PCDHA6: variants seen among roughly 807,000 people sequenced by gnomAD.
PCDHA6 encodes the protein protocadherin alpha-6.
PCDHA6 carries 55 observed loss-of-function variants against 60.3 expected under a neutral mutation model. The ratio of observed to expected loss-of-function variants is 0.91; its 90% CI spans 0.73 to 1.14. The LOEUF (loss-of-function observed/expected upper bound fraction) is 1.14. Among genes scored for constraint, PCDHA6 ranks in the 50% most tolerant of loss-of-function variants. The pLI is 0.00. For synonymous variants in PCDHA6, 652 were observed against 557.9 expected, an observed-to-expected ratio of 1.17 and a Z score of -2.38; for missense variants, 1,327 against 1,256.5, an observed-to-expected ratio of 1.06 and a Z score of -0.85.
At chr5:140,984,693 A>G (rs1587034361) in intron 3 of PCDHA6, among the ~76,000 whole-genome samples, 1 of 152,264 alleles carries the variant, frequency 6.6e-6, no homozygotes, top group East Asian at 1.9e-4. Flanking sequence ...TATGTTCTGC[A>G]CTGCTTGGAG....
chr5:140,909,585 T>C (rs1554193854), intron 1 of PCDHA6, among the ~76,000 whole-genome samples: 1 of 152,180 alleles, frequency 6.6e-6, no homozygotes, highest in Non-Finnish European at 1.5e-5. Context: ...GATATGTTTT[T>C]TGATTTACTA....
chr5:140,926,141 A>T (rs2082938262), intron 1 of PCDHA6, among the ~76,000 whole-genome samples: 1 of 152,038 alleles, frequency 6.6e-6, no homozygotes, highest in Non-Finnish European at 1.5e-5. Context: ...AGCAGGATCC[A>T]GCGCGGAAAG....
rs201706795 is a variant in PCDHA6 at position 140,829,963 on chromosome 5, G to A, written c.1872G>A (p.Val624=). ...GCAGCGCTCGCTTCCCGTTTCGCGT[G>A]GGGCTGTACACGGGCGAGATCAGCA... The part of the protein sequence containing the change: ...PASSARFPFR[V]GLYTGEISTT... The change falls in exon 1 of 4, where the codon GTG becomes GTA. Residue 624 remains valine, a synonymous_variant. Coordinates refer to ENST00000529310, the MANE Select transcript of PCDHA6 (RefSeq NM_018909.4). The A allele has an allele frequency of 1.2e-4, 190 of 1,613,888 alleles. No homozygotes were observed. The highest frequency in any genetic ancestry group is 5.3e-5 in the Non-Finnish European group (62 of 1,179,922).
intron 1 of PCDHA6, chr5:140,835,994 G>A: frequency 1.9e-6 from 3 of 1,613,352 alleles, no homozygotes; most frequent in South Asian, 1.1e-5. Context: ...AGGTGAGCGC[G>A]CGCGATGCGG....
Position 141,010,554 on chromosome 5 carries a change from C to G in PCDHA6, c.*617C>G. On this transcript the variant is annotated 3_prime_UTR_variant, in exon 4 of 4. Transcript: ENST00000529310. ...CACCCTCTAGGAGACAAAACTACCC[C>G]CACTGACAAGGCTTTAGGAGACCCT... The G allele has an allele frequency of 3.1e-6, 1 of 322,198 alleles. No individual in the cohort carries two copies. The highest frequency in any genetic ancestry group is 9.3e-4 in the Middle Eastern group (1 of 1,074). 20.0% of individuals were successfully genotyped at this position (322,198 alleles called of 1,614,324 possible).
At chr5:140,926,906 G>T in intron 1 of PCDHA6, 1 of 1,559,584 alleles carries the variant, frequency 6.4e-7, no homozygotes, top group Non-Finnish European at 8.7e-7. Context: ...GTGGGCTGTG[G>T]GGTGGCAGTT....
rs142150910 is a variant in PCDHA6, at chr5:140,945,405, C to T, written c.2395-33544C>T. ...AGCAATATACAAATTCAATACAATTCGTATCAAAATTTCAATGAAGTTTTT... is the reference window on the plus strand; with the variant it reads ...AGCAATATACAAATTCAATACAATTTGTATCAAAATTTCAATGAAGTTTTT... On this transcript the variant is annotated intron_variant, in intron 1 of 3. Transcript: ENST00000529310. Among the ~76,000 whole-genome samples, 454 of 152,016 alleles carry T rather than the reference C, an allele frequency of 3.0e-3. 3 individuals are homozygous for T. Among genetic ancestry groups the T allele is most frequent in the African/African-American group, 9.6e-3 (400 of 41,488 alleles).
intron 1 of PCDHA6, among the ~76,000 whole-genome samples, chr5:140,946,570 C>G (rs1488950892): frequency 7.2e-6 from 1 of 138,492 alleles, no homozygotes; most frequent in Non-Finnish European, 1.5e-5. Context: ...ATAGAATCAA[C>G]TTAGGTGTTC....
rs535420158 is a variant in PCDHA6, at chr5:140,966,438, T to TC, written c.2395-12508dup. Reference sequence around the variant, plus strand: ...AGGACTTGCTGAGCCCTCCTACCGCTCCCTTTCCCCCTCCCCCTCTGTCTT... The same window carrying TC: ...AGGACTTGCTGAGCCCTCCTACCGCTCCCCTTTCCCCCTCCCCCTCTGTCTT... On this transcript the variant is annotated intron_variant, in intron 1 of 3. Transcript: ENST00000529310. 1.4e-5 allele frequency: 6 copies of TC among 422,688 alleles called. No homozygotes were observed. The East Asian group carries it at 1.4e-4, about 10-fold the overall frequency. 26.2% of individuals were successfully genotyped at this position (422,688 alleles called of 1,614,324 possible).
In PCDHA6 at chr5:140,828,219, C is replaced by A. The variant is rs2150152527; in HGVS notation, c.128C>A (p.Thr43Asn). 2.5e-6 allele frequency: 4 copies of A among 1,614,022 alleles called. No individual in the cohort carries two copies. The highest frequency in any genetic ancestry group is 2.2e-5 in the East Asian group (1 of 44,888). The change falls in exon 1 of 4, where the codon ACC becomes AAC. Residue 43 changes from threonine to asparagine, a missense_variant. Physicochemically the swap from Thr to Asn is moderately conservative, Grantham distance 65. Coordinates refer to ENST00000529310, the MANE Select transcript of PCDHA6 (RefSeq NM_018909.4). Reference sequence around the variant, plus strand: ...GTACCCGAGGAGGCCAAACACGGCACCTTCGTGGGCCGGATCGCGCAGGAC... The same window carrying A: ...GTACCCGAGGAGGCCAAACACGGCAACTTCGTGGGCCGGATCGCGCAGGAC... ...YSVPEEAKHG[T>N]FVGRIAQDLG...
chr5:140,986,736 A>C (rs1056820843), intron 3 of PCDHA6, among the ~76,000 whole-genome samples: 1 of 152,206 alleles, frequency 6.6e-6, no homozygotes, highest in South Asian at 2.1e-4. Context: ...TCAAGACCCC[A>C]GGGGATCTGG....
At chr5:140,834,787 C>A (rs2150226563) in intron 1 of PCDHA6, 5 of 1,613,542 alleles carry the variant, frequency 3.1e-6, no homozygotes, top group East Asian at 2.2e-5. Context: ...GTGTTCCCAG[C>A]GACACAAAGG....
intron 1 of PCDHA6, among the ~76,000 whole-genome samples, chr5:140,942,637 A>C (rs1175766630): frequency 6.6e-6 from 1 of 152,178 alleles, no homozygotes; most frequent in African/African-American, 2.4e-5. Context: ...AAAATGGCAA[A>C]AGAGATCTCA....
Position 140,830,026 on chromosome 5 carries a change from C to G in PCDHA6, c.1935C>G (p.His645Gln). The G allele has an allele frequency of 6.2e-7, 1 of 1,613,904 alleles. No homozygotes were observed. Among genetic ancestry groups the G allele is most frequent in the Non-Finnish European group, 8.5e-7 (1 of 1,179,916 alleles). ...TGGACGAAGCGGACTCTCCGCGCCA[C>G]CGGCTGCTGGTGCTGGTGAAAGACC... is the stretch of plus-strand genomic sequence containing the variant. ...RVLDEADSPRHRLLVLVKDHG... is the reference protein window; with the variant it reads ...RVLDEADSPRQRLLVLVKDHG... Residue 645 changes from histidine to glutamine, a missense_variant, in exon 1 of 4, where the codon CAC becomes CAG. His to Gln is a conservative substitution (Grantham distance 24). Coordinates refer to ENST00000529310, the MANE Select transcript of PCDHA6 (RefSeq NM_018909.4).
At chr5:140,883,705 T>G (rs251380) in intron 1 of PCDHA6, 1,065,865 of 1,613,504 alleles carry the variant, frequency 0.66, 353,266 homozygotes, top group Middle Eastern at 0.71. Flanking sequence ...CGGTGTCTGC[T>G]CAGGACGCGG....
At chr5:140,946,044 A>G (rs1435633416) in intron 1 of PCDHA6, among the ~76,000 whole-genome samples, 1 of 152,160 alleles carries the variant, frequency 6.6e-6, no homozygotes, top group East Asian at 1.9e-4. Flanking sequence ...TGAAGGGACA[A>G]TCCACAGAAT....
intron 1 of PCDHA6, chr5:140,876,193 G>A: frequency 6.2e-7 from 1 of 1,613,950 alleles, no homozygotes; most frequent in Non-Finnish European, 8.5e-7. Flanking sequence ...CAATGGTCCG[G>A]CGTTTGATAA....
At chr5:140,996,695 A>G (rs1207094122) in intron 3 of PCDHA6, among the ~76,000 whole-genome samples, 1 of 152,088 alleles carries the variant, frequency 6.6e-6, no homozygotes, top group East Asian at 1.9e-4. Context: ...ATTCTTCTGA[A>G]CCTCTATCTC....
At chr5:140,888,265 A>G (rs2061758269) in intron 1 of PCDHA6, among the ~76,000 whole-genome samples, 1 of 152,096 alleles carries the variant, frequency 6.6e-6, no homozygotes, top group Non-Finnish European at 1.5e-5. Flanking sequence ...TCTTGATAAG[A>G]AACAGTTTTG....
Sources: allele counts gnomAD v4.1 joint callset (sites outside exome capture counted in the v4.1 genomes callset), GRCh38; gene constraint gnomAD v4.1.1; transcripts MANE v1.5; gene names NCBI Gene and HGNC (gene_info 2026-07-23, HGNC 2026-07-21).